The following SGMS1 variants were observed in gnomAD, a reference collection of about 807,000 sequenced individuals.
The protein encoded by SGMS1 is sphingomyelin synthase 1, also known as phosphatidylcholine:ceramide cholinephosphotransferase 1.
In SGMS1, 13 loss-of-function variants were observed where a neutral mutation model predicts 46.2. The observed-to-expected ratio is 0.28, with a 90% CI of 0.18 to 0.45. The LOEUF (loss-of-function observed/expected upper bound fraction) is 0.45. Ranked by LOEUF, SGMS1 falls within the 20% of genes least tolerant of loss-of-function variation. The probability of loss-of-function intolerance (pLI) is 1.00; values close to 1 mark genes in which losing one functional copy is unlikely to be tolerated. For synonymous variants in SGMS1, 203 were observed against 187.8 expected, an observed-to-expected ratio of 1.08 and a Z score of -0.66; for missense variants, 324 against 519.9, an observed-to-expected ratio of 0.62 and a Z score of 3.66.
intron 1 of SGMS1, among the ~76,000 whole-genome samples, chr10:50,616,430 C>T (rs977466804): frequency 1.5e-4 from 23 of 152,136 alleles, no homozygotes; most frequent in Admixed American, 1.0e-3. Flanking sequence ...ACTACCATAC[C>T]CAGACAGTTT....
chr10:50,585,265 A>G (rs1409525976), intron 2 of SGMS1, among the ~76,000 whole-genome samples: 1 of 152,214 alleles, frequency 6.6e-6, no homozygotes, highest in Non-Finnish European at 1.5e-5. Context: ...AAGACTGACC[A>G]TATGCTTGGC....
Position 50,443,780 on chromosome 10 carries a change from T to C in SGMS1, c.-312-10224A>G, listed in dbSNP as rs1437213149. Among the ~76,000 whole-genome samples the C allele has an allele frequency of 2.0e-5, 3 of 152,204 alleles. No homozygotes were observed. The East Asian group carries it at 5.8e-4, about 29-fold the overall frequency. On this transcript the variant is annotated intron_variant, in intron 5 of 10. Coordinates refer to ENST00000361781, the MANE Select transcript of SGMS1 (RefSeq NM_147156.4). ...ATTTATTTAAAACATATATGACTAATACATACTATATTAAAAGTATAATAT... is the reference window on the plus strand; with the variant it reads ...ATTTATTTAAAACATATATGACTAACACATACTATATTAAAAGTATAATAT...
At chr10:50,620,398 A>G (rs1300894511) in intron 1 of SGMS1, among the ~76,000 whole-genome samples, 1 of 152,250 alleles carries the variant, frequency 6.6e-6, no homozygotes, top group Non-Finnish European at 1.5e-5. Context: ...TGTTATGGCT[A>G]TAGCTACCAT....
chr10:50,487,141 A>ACCT (rs1564926357), intron 3 of SGMS1, among the ~76,000 whole-genome samples: 3 of 152,158 alleles, frequency 2.0e-5, no homozygotes, highest in Non-Finnish European at 4.4e-5. Flanking sequence ...GGAACAACAG[A>ACCT]CACCAGGGCC....
chr10:50,545,592 C>T (rs1205753488), intron 2 of SGMS1, among the ~76,000 whole-genome samples: 3 of 152,088 alleles, frequency 2.0e-5, no homozygotes, highest in East Asian at 3.9e-4. Flanking sequence ...CCCACCACCT[C>T]GCCTGGCTAA....
chr10:50,489,120 CTCTAGCCCTGAT>C (rs1837547250), intron 3 of SGMS1, among the ~76,000 whole-genome samples: 1 of 152,160 alleles, frequency 6.6e-6, no homozygotes, highest in Non-Finnish European at 1.5e-5. Flanking sequence ...CAATACTAAC[CTCTAGCCCTGAT>C]TCTACAGAGT....
At chr10:50,380,486 T>A (rs893198650) in intron 6 of SGMS1, among the ~76,000 whole-genome samples, 3 of 152,058 alleles carry the variant, frequency 2.0e-5, no homozygotes, top group African/African-American at 7.2e-5. Flanking sequence ...GTCTGGAGTA[T>A]GTTCCTAGAA....
chr10:50,501,872 T>C (rs1837664460), intron 3 of SGMS1, among the ~76,000 whole-genome samples: 1 of 152,144 alleles, frequency 6.6e-6, no homozygotes, highest in Non-Finnish European at 1.5e-5. Flanking sequence ...TAAGACATGA[T>C]TATAAAAACA....
intron 5 of SGMS1, among the ~76,000 whole-genome samples, chr10:50,444,651 G>T (rs1836984883): frequency 1.3e-5 from 2 of 152,012 alleles, no homozygotes; most frequent in South Asian, 4.1e-4. Context: ...AACTACTCAA[G>T]AGGCCGAGGT....
intron 3 of SGMS1, among the ~76,000 whole-genome samples, chr10:50,468,885 A>C (rs935589586): frequency 1.9e-4 from 29 of 152,362 alleles, no homozygotes; most frequent in African/African-American, 6.7e-4. Context: ...ACTGGTGAAC[A>C]CAAAGTAGTA....
At chr10:50,424,632 A>C (rs1849298046) in intron 6 of SGMS1, among the ~76,000 whole-genome samples, 1 of 152,222 alleles carries the variant, frequency 6.6e-6, no homozygotes, top group African/African-American at 2.4e-5. Context: ...ATGGGAGAAA[A>C]TATTTGCAAA....
chr10:50,501,521 A>G (rs1173616534), intron 3 of SGMS1, among the ~76,000 whole-genome samples: 1 of 152,220 alleles, frequency 6.6e-6, no homozygotes, highest in African/African-American at 2.4e-5. Context: ...TTGCAGAGAT[A>G]ATTCTATATG....
chr10:50,534,457 T>C (rs1837982023), intron 2 of SGMS1, among the ~76,000 whole-genome samples: 1 of 152,092 alleles, frequency 6.6e-6, no homozygotes, highest in Non-Finnish European at 1.5e-5. Context: ...GATAGTAAAA[T>C]GAGATGAATG....
chr10:50,567,228 A>G (rs1357123113), intron 2 of SGMS1, among the ~76,000 whole-genome samples: 1 of 152,164 alleles, frequency 6.6e-6, no homozygotes. Context: ...TACAGATGTG[A>G]GCCATCGCAC....
chr10:50,367,732 T>G (rs1373427913), intron 6 of SGMS1, among the ~76,000 whole-genome samples: 1 of 152,238 alleles, frequency 6.6e-6, no homozygotes, highest in Admixed American at 6.5e-5. Context: ...CCGCTGACTG[T>G]GACTTCTTGC....
At chr10:50,330,621 T>C (rs755951735) in intron 7 of SGMS1, among the ~76,000 whole-genome samples, 2 of 152,238 alleles carry the variant, frequency 1.3e-5, no homozygotes, top group Non-Finnish European at 2.9e-5. Flanking sequence ...CACAGCTCTT[T>C]CAGTGCCCAG....
intron 6 of SGMS1, among the ~76,000 whole-genome samples, chr10:50,423,759 C>T (rs544077989): frequency 9.8e-4 from 149 of 152,288 alleles, no homozygotes; most frequent in African/African-American, 3.5e-3. Flanking sequence ...CTGTTTAACT[C>T]ATAATTTAAT....
chr10:50,409,126 C>T (rs1012730270), intron 6 of SGMS1, among the ~76,000 whole-genome samples: 1 of 152,118 alleles, frequency 6.6e-6, no homozygotes, highest in Non-Finnish European at 1.5e-5. Flanking sequence ...TATTGATACA[C>T]AATATTTGCA....
chr10:50,343,833 G>A lies in SGMS1; in HGVS notation c.282C>T (p.Pro94=), dbSNP rs775055834. ...TAATCTTGATGCTGAAGCTGCCGTCGGGGGTGGGGATGTCTACGCCAATGT... is the reference window on the plus strand; with the variant it reads ...TAATCTTGATGCTGAAGCTGCCGTCAGGGGTGGGGATGTCTACGCCAATGT... ...HLNIGVDIPT[P]DGSFSIKIKP... The change falls in exon 7 of 11, where the codon CCC becomes CCT. Residue 94 remains proline, a synonymous_variant. Coordinates refer to ENST00000361781, the MANE Select transcript of SGMS1 (RefSeq NM_147156.4). 2.5e-6 allele frequency: 4 copies of A among 1,614,018 alleles called. No individual in the cohort carries two copies. Among genetic ancestry groups the A allele is most frequent in the African/African-American group, 1.3e-5 (1 of 74,880 alleles).
Sources: allele counts gnomAD v4.1 joint callset (sites outside exome capture counted in the v4.1 genomes callset), GRCh38; gene constraint gnomAD v4.1.1; transcripts MANE v1.5; gene names NCBI Gene and HGNC (gene_info 2026-07-23, HGNC 2026-07-21).